The following NCKAP5 variants were observed in gnomAD, a reference collection of about 807,000 sequenced individuals.
NCKAP5 encodes NCK associated protein 5.
Under a neutral mutation model 167.0 loss-of-function variants are expected in NCKAP5, and 92 were observed. The ratio of observed to expected loss-of-function variants is 0.55; its 90% CI spans 0.47 to 0.66. The LOEUF (loss-of-function observed/expected upper bound fraction) is 0.66. Among genes scored for constraint, NCKAP5 ranks in the 30% least tolerant of loss-of-function variants. The pLI is 0.00. For missense variants in NCKAP5, 2,378 were observed against 2,315.0 expected (o/e 1.03, Z -0.56); for synonymous variants, 891 against 877.4 (o/e 1.02, Z -0.27).
At chr2:133,116,419 C>G (rs1432085704) in intron 6 of NCKAP5, among the ~76,000 whole-genome samples, 1 of 75,322 alleles carries the variant, frequency 1.3e-5, no homozygotes, top group African/African-American at 7.3e-5. Context: ...ACCCGGGAGG[C>G]GGAGCTTGCA....
chr2:133,342,034 G>A (rs1683625599), intron 3 of NCKAP5, among the ~76,000 whole-genome samples: 1 of 152,100 alleles, frequency 6.6e-6, no homozygotes, highest in Admixed American at 6.5e-5. Context: ...AGCCTCCCGG[G>A]TTCACGCCAT....
At chr2:133,050,799 A>G (rs1234941833) in intron 6 of NCKAP5, among the ~76,000 whole-genome samples, 3 of 152,214 alleles carry the variant, frequency 2.0e-5, no homozygotes, top group Non-Finnish European at 4.4e-5. Flanking sequence ...AACTGAATAA[A>G]AGGTCACTTA....
rs144359951 is a variant in NCKAP5, at chr2:132,908,495, C to T, written c.580-29579G>A. 5.4e-3 allele frequency among the ~76,000 whole-genome samples: 818 copies of T among 152,272 alleles called. 8 individuals carry two copies. The highest frequency in any genetic ancestry group is 0.018 in the African/African-American group (765 of 41,562). ...TATTATTCTTCTATCGAATATCCTC[C>T]GACTGTCTTAGCTTTTAGCATAATC... is the stretch of plus-strand genomic sequence containing the variant. On this transcript the variant is annotated intron_variant, in intron 8 of 19. Transcript: ENST00000409261.
At chr2:133,617,012 A>G in the NCKAP5 span, among the ~76,000 whole-genome samples, 1 of 152,226 alleles carries the variant, frequency 6.6e-6, no homozygotes, top group Non-Finnish European at 1.5e-5. Context: ...GGAAATCAAT[A>G]AATGTAATCC....
intron 12 of NCKAP5, among the ~76,000 whole-genome samples, chr2:132,793,859 T>C (rs1684272498): frequency 6.6e-6 from 1 of 152,162 alleles, no homozygotes; most frequent in Non-Finnish European, 1.5e-5. Flanking sequence ...AATGTTTGAA[T>C]TTAATAAGGG....
intron 2 of NCKAP5, among the ~76,000 whole-genome samples, chr2:133,547,799 G>A (rs1212188981): frequency 6.7e-6 from 1 of 148,880 alleles, no homozygotes; most frequent in African/African-American, 2.5e-5. Flanking sequence ...AGAAAAACTG[G>A]AAACTCTAAA....
At position 133,067,109 on chromosome 2, in the gene NCKAP5, C is replaced by T. The variant is rs559110004; in HGVS notation, c.341+62869G>A. 2.9e-4 allele frequency among the ~76,000 whole-genome samples: 44 copies of T among 152,262 alleles called. 1 individual carries two copies. The South Asian group carries it at 8.9e-3, about 31-fold the overall frequency. ...CTCGATCTCCTGACTTCATGATCCT[C>T]CCGCCTCAGCCTCTCAAAGTGCTGG... On this transcript the variant is annotated intron_variant, in intron 6 of 19. Coordinates refer to ENST00000409261, the MANE Select transcript of NCKAP5 (RefSeq NM_207363.3).
chr2:132,963,909 T>C (rs774943570), intron 7 of NCKAP5, 40 bp from the exon 8 acceptor site: 1 of 1,608,406 alleles, frequency 6.2e-7, no homozygotes, highest in South Asian at 1.1e-5. Flanking sequence ...TAATCTCCAG[T>C]GAAAAATAAG....
chr2:132,961,786 T>G (rs972701329), intron 8 of NCKAP5, among the ~76,000 whole-genome samples: 3 of 152,220 alleles, frequency 2.0e-5, no homozygotes, highest in Non-Finnish European at 4.4e-5. Flanking sequence ...TAAGATTAAT[T>G]TTCTCTGTAG....
intron 8 of NCKAP5, among the ~76,000 whole-genome samples, chr2:132,932,919 TA>T (rs1331219824): frequency 7.1e-6 from 1 of 140,988 alleles, no homozygotes; most frequent in Non-Finnish European, 1.5e-5. Context: ...GATTATCCTC[TA>T]CTTTTTTTTT....
At chr2:133,124,216 T>C (rs919266568) in intron 6 of NCKAP5, among the ~76,000 whole-genome samples, 3 of 152,184 alleles carry the variant, frequency 2.0e-5, no homozygotes, top group African/African-American at 7.2e-5. Context: ...TTGAGTTCCA[T>C]GTGGGTGATT....
At chr2:133,659,138 C>A in the NCKAP5 span, among the ~76,000 whole-genome samples, 8 of 152,076 alleles carry the variant, frequency 5.3e-5, no homozygotes, top group Non-Finnish European at 1.2e-4. Flanking sequence ...GTACCTAAGG[C>A]TAGTCACTTA....
At chr2:133,353,942 A>G (rs1161046532) in intron 3 of NCKAP5, among the ~76,000 whole-genome samples, 2 of 152,154 alleles carry the variant, frequency 1.3e-5, no homozygotes, top group Non-Finnish European at 2.9e-5. Context: ...AGGATACACA[A>G]AGCTGTCACA....
At chr2:132,990,066 G>C (rs2077407030) in intron 7 of NCKAP5, among the ~76,000 whole-genome samples, 1 of 152,166 alleles carries the variant, frequency 6.6e-6, no homozygotes, top group South Asian at 2.1e-4. Context: ...AGAACACTGG[G>C]AACACAAGAT....
At chr2:133,240,720 G>A (rs2087656924) in intron 4 of NCKAP5, among the ~76,000 whole-genome samples, 1 of 152,196 alleles carries the variant, frequency 6.6e-6, no homozygotes, top group South Asian at 2.1e-4. Flanking sequence ...TGCCTCCCTG[G>A]CCCAGACCCA....
chr2:133,494,671 C>G (rs1032437525), intron 3 of NCKAP5, among the ~76,000 whole-genome samples: 5 of 152,122 alleles, frequency 3.3e-5, no homozygotes, highest in African/African-American at 1.2e-4. Context: ...AACTAACCAG[C>G]CTTAACATTA....
intron 8 of NCKAP5, among the ~76,000 whole-genome samples, chr2:132,963,015 AT>A (rs2076563194): frequency 6.8e-6 from 1 of 146,876 alleles, no homozygotes; most frequent in African/African-American, 2.4e-5. Context: ...AAGTGAACTC[AT>A]AGAAAAAAAA....
intron 13 of NCKAP5, among the ~76,000 whole-genome samples, chr2:132,787,350 A>G (rs2105085991): frequency 1.4e-5 from 2 of 144,054 alleles, no homozygotes; most frequent in South Asian, 4.2e-4. Flanking sequence ...TCCGTTTCAA[A>G]AAAAAAAAAA....
At chr2:133,589,843 A>C in the NCKAP5 span, among the ~76,000 whole-genome samples, 3 of 152,216 alleles carry the variant, frequency 2.0e-5, no homozygotes. Flanking sequence ...TGTTTCGATG[A>C]AAAGAAGAGA....
Sources: allele counts gnomAD v4.1 joint callset (sites outside exome capture counted in the v4.1 genomes callset), GRCh38; gene constraint gnomAD v4.1.1; transcripts MANE v1.5; gene names NCBI Gene and HGNC (gene_info 2026-07-23, HGNC 2026-07-21).